Variants in PDIA4 observed in about 807,000 individuals in gnomAD.
PDIA4 encodes protein disulfide-isomerase A4.
PDIA4 carries 33 observed loss-of-function variants against 62.1 expected under a neutral mutation model. The observed-to-expected ratio is 0.53, with a 90% confidence interval of 0.40 to 0.71. The LOEUF is 0.71. Ranked by LOEUF, PDIA4 falls within the 30% of genes least tolerant of loss-of-function variation. PDIA4 has a pLI of 0.00. For missense variants in PDIA4, 804 were observed against 813.6 expected (o/e 0.99, Z 0.14); for synonymous variants, 341 against 324.1 (o/e 1.05, Z -0.56).
At chr7:149,014,156 A>G (rs1188919528) in intron 4 of PDIA4, among the ~76,000 whole-genome samples, 2 of 152,148 alleles carry the variant, frequency 1.3e-5, no homozygotes, top group African/African-American at 4.8e-5. Flanking sequence ...TTATCCAGGC[A>G]TTGCCTGGAA....
intron 2 of PDIA4, 83 bp downstream of exon 2, chr7:149,020,884 C>A: frequency 6.5e-7 from 1 of 1,527,788 alleles, no homozygotes; most frequent in South Asian, 1.3e-5. Context: ...CCCCACCCCC[C>A]AAGGTCTGGA....
Position 149,028,473 on chromosome 7 carries a change from T to A in PDIA4, c.-65A>T. The A allele has an allele frequency of 8.7e-7, 1 of 1,144,330 alleles. No homozygotes were observed. Among genetic ancestry groups the A allele is most frequent in the South Asian group, 1.6e-5 (1 of 63,666 alleles). The allele number at this position is 1,144,330 out of a possible 1,614,324, so 70.9% of individuals were successfully genotyped here. A position where few individuals can be genotyped will look rare whatever the true frequency, so the allele number is the denominator to read the frequency against. ...CGCTGAGCGCACCGAGAACTCGGGGTCTGGCCGACAGCCCGTCGCTCCTTA... is the reference window on the plus strand; with the variant it reads ...CGCTGAGCGCACCGAGAACTCGGGGACTGGCCGACAGCCCGTCGCTCCTTA... On this transcript the variant is annotated 5_prime_UTR_variant, in exon 1 of 10. Coordinates refer to ENST00000652332, the MANE Select transcript of PDIA4 (RefSeq NM_004911.5).
intron 8 of PDIA4, 118 bp downstream of exon 8, chr7:149,005,779 T>C: frequency 1.3e-6 from 1 of 793,552 alleles, no homozygotes; most frequent in Non-Finnish European, 1.9e-6. Flanking sequence ...GGCCCCAGGC[T>C]GGGATTTCTG....
chr7:149,022,492 G>A (rs957928334), intron 1 of PDIA4, among the ~76,000 whole-genome samples: 3 of 152,134 alleles, frequency 2.0e-5, no homozygotes, highest in Admixed American at 6.5e-5. Context: ...CCAGTAAACT[G>A]AACTGGGCAC....
Position 149,028,411 on chromosome 7 carries a change from T to TAGCGGGGGCGG in PDIA4, c.-14_-4dup, listed in dbSNP as rs1784323406. On this transcript the variant is annotated 5_prime_UTR_variant, in exon 1 of 10. Transcript: ENST00000652332. ...AGGAAGGCTTTCCGGGGCCTCATGGTAGCGGGGGCGGAGCGCGGCCTCCTA... is the reference window on the plus strand; with the variant it reads ...AGGAAGGCTTTCCGGGGCCTCATGGTAGCGGGGGCGGAGCGGGGGCGGAGCGCGGCCTCCTA... 2.7e-6 allele frequency: 4 copies of TAGCGGGGGCGG among 1,498,224 alleles called. No individual in the cohort carries two copies. In the African/African-American group the frequency reaches 5.8e-5, roughly 22 times the overall value. 92.8% of individuals were successfully genotyped at this position (1,498,224 alleles called of 1,614,324 possible). A position where few individuals can be genotyped will look rare whatever the true frequency, so the allele number is the denominator to read the frequency against.
Position 149,028,471 on chromosome 7 carries a change from G to C in PDIA4, c.-63C>G. ...GCCGCTGAGCGCACCGAGAACTCGG[G>C]GTCTGGCCGACAGCCCGTCGCTCCT... On this transcript the variant is annotated 5_prime_UTR_variant, in exon 1 of 10. Coordinates refer to ENST00000652332, the MANE Select transcript of PDIA4 (RefSeq NM_004911.5). The C allele has an allele frequency of 8.4e-7, 1 of 1,185,402 alleles. No homozygotes were observed. The highest frequency in any genetic ancestry group is 1.1e-6 in the Non-Finnish European group (1 of 880,378). 73.4% of individuals were successfully genotyped at this position (1,185,402 alleles called of 1,614,324 possible).
chr7:149,011,326 A>C (rs953914252), intron 6 of PDIA4, among the ~76,000 whole-genome samples: 1 of 152,206 alleles, frequency 6.6e-6, no homozygotes, highest in African/African-American at 2.4e-5. Context: ...ACTATTGCTG[A>C]CAGCTGTTCA....
At chr7:149,028,178 G>A (rs1585437211) in intron 1 of PDIA4, 143 bp downstream of exon 1, 2 of 629,882 alleles carry the variant, frequency 3.2e-6, no homozygotes, top group African/African-American at 1.9e-5. Flanking sequence ...ACTCCGCCAA[G>A]TTTACCCCGG....
At chr7:149,007,223 G>A (rs1823791197) in intron 7 of PDIA4, among the ~76,000 whole-genome samples, 1 of 152,152 alleles carries the variant, frequency 6.6e-6, no homozygotes, top group Non-Finnish European at 1.5e-5. Flanking sequence ...GGAAACAGAG[G>A]ACATGGGGAC....
rs781683586 is a variant in PDIA4 at position 149,021,145 on chromosome 7, A to G, written c.91T>C (p.Ser31Pro). The change falls in exon 2 of 10, where the codon TCT becomes CCT. Residue 31 changes from serine (S) to proline (P), a missense_variant and splice_region_variant. By Grantham distance (74) the Ser-to-Pro change is moderately conservative (BLOSUM62 -1). Coordinates refer to ENST00000652332, the MANE Select transcript of PDIA4 (RefSeq NM_004911.5). ...VAGAEGPDED[S>P]SNRENAIEDE... ...TCAATGGCATTTTCTCTGTTAGAAG[A>G]ATCTGAGTGGAAAACACCCAGACTG... 4 of 1,580,532 alleles carry G rather than the reference A, an allele frequency of 2.5e-6. No homozygotes were observed. Among genetic ancestry groups the G allele is most frequent in the Non-Finnish European group, 2.6e-6 (3 of 1,162,608 alleles).
At chr7:149,008,094 G>A in intron 7 of PDIA4, 65 bp downstream of exon 7, 2 of 1,480,494 alleles carry the variant, frequency 1.4e-6, no homozygotes, top group Non-Finnish European at 1.8e-6. Context: ...CTCAGAGGTG[G>A]CTCAAAGCAG....
In PDIA4 at chr7:149,008,715, GAAAAAA is replaced by G. The variant is rs371884233; in HGVS notation, c.980-411_980-406del. Among the ~76,000 whole-genome samples, 31 of 109,136 alleles carry G rather than the reference GAAAAAA, an allele frequency of 2.8e-4. No homozygotes were observed. In the South Asian group the frequency reaches 6.8e-3, roughly 24 times the overall value. 71.6% of individuals were successfully genotyped at this position (109,136 alleles called of 152,430 possible). On this transcript the variant is annotated intron_variant, in intron 6 of 9. Transcript: ENST00000652332. ...GACAGAGTGAGACTGTCTTTAAAAAGAAAAAAAAAAAAGAAAAAGAAAAGAAAAAAA... is the reference window on the plus strand; with the variant it reads ...GACAGAGTGAGACTGTCTTTAAAAAGAAAAAAGAAAAAGAAAAGAAAAAAA...
chr7:149,008,128 C>A, intron 7 of PDIA4, 31 bp downstream of exon 7: 1 of 1,604,604 alleles, frequency 6.2e-7, no homozygotes, highest in Non-Finnish European at 8.5e-7. Context: ...GCGGGGTGTC[C>A]AGGGCTGGCA....
chr7:149,006,993 C>T (rs1191048153), intron 7 of PDIA4, among the ~76,000 whole-genome samples: 1 of 152,158 alleles, frequency 6.6e-6, no homozygotes, highest in African/African-American at 2.4e-5. Flanking sequence ...GAGCTGTGTC[C>T]GATTCTCGGG....
intron 6 of PDIA4, among the ~76,000 whole-genome samples, chr7:149,009,370 T>C (rs1468376433): frequency 1.3e-5 from 2 of 152,208 alleles, no homozygotes; most frequent in African/African-American, 4.8e-5. Flanking sequence ...TGCTGTCAAC[T>C]GATGTCTATA....
intron 1 of PDIA4, among the ~76,000 whole-genome samples, chr7:149,027,385 A>C (rs1824594811): frequency 1.3e-5 from 2 of 151,930 alleles, no homozygotes; most frequent in African/African-American, 4.8e-5. Context: ...GAAGTTACTC[A>C]ATCTGTTTGA....
intron 6 of PDIA4, among the ~76,000 whole-genome samples, chr7:149,011,555 G>C (rs1278110117): frequency 6.6e-6 from 1 of 152,208 alleles, no homozygotes; most frequent in South Asian, 2.1e-4. Flanking sequence ...GTTTGATTCA[G>C]AGGCCGGCAC....
chr7:149,016,512 T>C (rs1824144296), intron 3 of PDIA4, among the ~76,000 whole-genome samples: 1 of 151,866 alleles, frequency 6.6e-6, no homozygotes, highest in Admixed American at 6.6e-5. Context: ...AGAAGAAACC[T>C]GTTACACTAG....
At position 149,019,006 on chromosome 7, in the gene PDIA4, G is replaced by A; in HGVS notation, c.461C>T (p.Ser154Phe). ...KKGQAVDYEG[S>F]RTQEEIVAKV... is the part of the protein sequence containing the mutation. ...TACCAGCTCACCTTCCTGGGTTCTGGAGCCCTCGTAGTCTACAGCCTGCCC... is the reference window on the plus strand; with the variant it reads ...TACCAGCTCACCTTCCTGGGTTCTGAAGCCCTCGTAGTCTACAGCCTGCCC... The change falls in exon 3 of 10, where the codon TCC becomes TTC. Residue 154 changes from serine (S) to phenylalanine (F), a missense_variant. Ser to Phe is a radical substitution (Grantham distance 155). Transcript: ENST00000652332. 6.2e-7 allele frequency: 1 copy of A among 1,612,748 alleles called. No homozygotes were observed. Among genetic ancestry groups the A allele is most frequent in the Non-Finnish European group, 8.5e-7 (1 of 1,179,276 alleles).
Sources: allele counts gnomAD v4.1 joint callset (sites outside exome capture counted in the v4.1 genomes callset), GRCh38; gene constraint gnomAD v4.1.1; transcripts MANE v1.5; gene names NCBI Gene and HGNC (gene_info 2026-07-23, HGNC 2026-07-21).